ANKRD12: variants seen among roughly 807,000 people sequenced by gnomAD.
The protein encoded by ANKRD12 is ankyrin repeat domain-containing protein 12.
A neutral mutation model predicts 183.4 loss-of-function variants in ANKRD12; 85 were observed. That is an observed-to-expected ratio of 0.46 (90% CI 0.39 to 0.56). The LOEUF is 0.56. ANKRD12 is among the 20% of genes least tolerant of loss of function. The pLI is 0.00. For missense variants in ANKRD12, 2,405 were observed against 2,357.1 expected, an observed-to-expected ratio of 1.02 and a Z score of -0.42; for synonymous variants, 914 against 800.2, an observed-to-expected ratio of 1.14 and a Z score of -2.40.
intron 9 of ANKRD12, 135 bp from the exon 10 acceptor site, chr18:9,263,655 C>T (rs2039115108): frequency 2.0e-6 from 1 of 496,746 alleles, no homozygotes; most frequent in South Asian, 6.5e-5. Context: ...AGTTCTATAA[C>T]TAGTGCTGTA....
intron 8 of ANKRD12, among the ~76,000 whole-genome samples, chr18:9,233,259 A>C (rs2037158206): frequency 6.6e-6 from 1 of 151,448 alleles, no homozygotes; most frequent in Admixed American, 6.6e-5. Flanking sequence ...TCAGTTCCAG[A>C]ATTTTTGTTT....
chr18:9,235,120 T>G (rs967698487), intron 8 of ANKRD12, among the ~76,000 whole-genome samples: 4 of 152,218 alleles, frequency 2.6e-5, no homozygotes, highest in African/African-American at 9.6e-5. Context: ...ATCTCTATAG[T>G]CTGCCATCTT....
At chr18:9,163,808 A>C (rs1056079491) in intron 1 of ANKRD12, among the ~76,000 whole-genome samples, 1 of 152,134 alleles carries the variant, frequency 6.6e-6, no homozygotes, top group Admixed American at 6.6e-5. Context: ...ATGGGAATTC[A>C]TTCATGATTT....
chr18:9,173,869 A>T (rs1380974390), intron 1 of ANKRD12, among the ~76,000 whole-genome samples: 1 of 152,182 alleles, frequency 6.6e-6, no homozygotes, highest in Non-Finnish European at 1.5e-5. Flanking sequence ...TGTACCCTAA[A>T]ACTTAAAGTA....
At position 9,162,197 on chromosome 18, in the gene ANKRD12, C is replaced by T. The variant is rs141503095; in HGVS notation, c.-51-20185C>T. On this transcript the variant is annotated intron_variant, in intron 1 of 12. Coordinates refer to ENST00000262126, the MANE Select transcript of ANKRD12 (RefSeq NM_015208.5). ...TTCCTGATGCTATCCCTCCCCCAAC[C>T]CCTCCCTCCTAAAGGCCCCAGTGTG... 2.8e-3 allele frequency among the ~76,000 whole-genome samples: 422 copies of T among 151,850 alleles called. 1 individual carries two copies. The highest frequency in any genetic ancestry group is 9.9e-3 in the African/African-American group (408 of 41,340).
intron 1 of ANKRD12, among the ~76,000 whole-genome samples, chr18:9,162,546 A>G (rs1434050130): frequency 6.6e-6 from 1 of 152,132 alleles, no homozygotes; most frequent in Non-Finnish European, 1.5e-5. Flanking sequence ...AATGATTTAT[A>G]TTCCTTTGGG....
intron 7 of ANKRD12, among the ~76,000 whole-genome samples, chr18:9,217,674 A>G (rs562647326): frequency 1.3e-5 from 2 of 152,084 alleles, no homozygotes; most frequent in Non-Finnish European, 2.9e-5. Context: ...CCAGTGGTCT[A>G]CTCTTTTCTC....
intron 1 of ANKRD12, among the ~76,000 whole-genome samples, chr18:9,159,315 A>G (rs2031062147): frequency 6.6e-6 from 1 of 152,192 alleles, no homozygotes; most frequent in Non-Finnish European, 1.5e-5. Flanking sequence ...TTATATTCAT[A>G]TTTCCAGCTG....
chr18:9,202,691 C>T (rs923677817), intron 3 of ANKRD12, among the ~76,000 whole-genome samples: 1 of 152,138 alleles, frequency 6.6e-6, no homozygotes, highest in Non-Finnish European at 1.5e-5. Flanking sequence ...CAGTGTTTTG[C>T]ATCAATCTCA....
chr18:9,195,954 G>A (rs2034759200), intron 3 of ANKRD12, among the ~76,000 whole-genome samples: 1 of 151,942 alleles, frequency 6.6e-6, no homozygotes, highest in African/African-American at 2.4e-5. Flanking sequence ...AATTAATTTT[G>A]GGAGGAGCAT....
intron 1 of ANKRD12, among the ~76,000 whole-genome samples, chr18:9,170,495 C>T (rs568163072): frequency 6.6e-5 from 10 of 152,274 alleles, no homozygotes; most frequent in South Asian, 2.1e-4. Context: ...TCCAGTTGAT[C>T]GCATCGGCTG....
At chr18:9,177,811 A>G (rs919131193) in intron 1 of ANKRD12, among the ~76,000 whole-genome samples, 1 of 152,222 alleles carries the variant, frequency 6.6e-6, no homozygotes, top group Non-Finnish European at 1.5e-5. Context: ...TAGCTCTCAC[A>G]TATGAGTGAG....
chr18:9,221,316 G>A (rs1400082469), intron 7 of ANKRD12, among the ~76,000 whole-genome samples: 1 of 152,154 alleles, frequency 6.6e-6, no homozygotes, highest in Non-Finnish European at 1.5e-5. Flanking sequence ...CTTCTGTAAA[G>A]GACCCATGAA....
chr18:9,181,327 A>G (rs534871337), intron 1 of ANKRD12, among the ~76,000 whole-genome samples: 32 of 152,318 alleles, frequency 2.1e-4, no homozygotes, highest in South Asian at 1.0e-3. Flanking sequence ...TAAAGCACCA[A>G]CGGGACAGCA....
chr18:9,263,802 C>A lies in ANKRD12; in HGVS notation c.5677C>A (p.Pro1893Thr). The change falls in exon 10 of 13, where the codon CCT becomes ACT. Residue 1893 changes from proline to threonine, a missense_variant. Pro to Thr is a conservative substitution (Grantham distance 38, BLOSUM62 -1). This residue lies in a region of ANKRD12 where 162 missense variants were observed against 272.2 expected (regional missense o/e 0.60). Transcript: ENST00000262126. ...KICIPTITPP[P>T]SLSDPLKELF... ...TCTTTTTAATTAGATTACACCACCA[C>A]CTTCACTGTCAGATCCACTTAAAGA... 6.4e-7 allele frequency: 1 copy of A among 1,560,358 alleles called. No homozygotes were observed.
Position 9,216,868 on chromosome 18 carries a change from C to T in ANKRD12, c.763C>T (p.Leu255Phe). The T allele has an allele frequency of 6.2e-7, 1 of 1,613,442 alleles. No homozygotes were observed. The highest frequency in any genetic ancestry group is 8.5e-7 in the Non-Finnish European group (1 of 1,179,616). The change falls in exon 7 of 13, where the codon CTC (leucine) becomes TTC (phenylalanine). Residue 255 changes from leucine to phenylalanine, a missense_variant. Leu to Phe is a conservative substitution (Grantham distance 22). Transcript: ENST00000262126. ...NTQGLDDDTPLHDSASSGHRD... is the reference protein window; with the variant it reads ...NTQGLDDDTPFHDSASSGHRD... ...ACAAGGATTAGATGATGACACTCCA[C>T]TCCATGATTCTGCTAGTAGTGGGCA...
At chr18:9,168,272 T>G (rs1052927027) in intron 1 of ANKRD12, among the ~76,000 whole-genome samples, 1 of 152,230 alleles carries the variant, frequency 6.6e-6, no homozygotes, top group Non-Finnish European at 1.5e-5. Flanking sequence ...TTCTATTGAT[T>G]GGAATAATTT....
intron 10 of ANKRD12, among the ~76,000 whole-genome samples, chr18:9,266,284 TGA>T (rs1379422810): frequency 6.6e-6 from 1 of 152,114 alleles, no homozygotes; most frequent in Non-Finnish European, 1.5e-5. Context: ...AGATACTCCT[TGA>T]GAAGAGCAAC....
chr18:9,217,835 T>A (rs1312346541), intron 7 of ANKRD12, among the ~76,000 whole-genome samples: 15 of 152,202 alleles, frequency 9.9e-5, no homozygotes, highest in African/African-American at 3.6e-4. Flanking sequence ...TGTTATTTAC[T>A]CTGGAACTGC....
Sources: gnomAD v4.1 joint callset for allele counts (sites outside exome capture counted in the v4.1 genomes callset) on GRCh38, gnomAD v4.1.1 for gene constraint, gnomAD v4.1.1 regional missense constraint, MANE v1.5 for transcripts, NCBI Gene and HGNC (gene_info 2026-07-23, HGNC 2026-07-21) for gene names.